Variants in FRAS1 observed in about 807,000 individuals in gnomAD.
FRAS1 encodes extracellular matrix organizing protein FRAS1.
FRAS1 carries 290 observed loss-of-function variants against 435.2 expected under a neutral mutation model. The observed-to-expected ratio is 0.67, with a 90% CI of 0.61 to 0.73. The LOEUF (loss-of-function observed/expected upper bound fraction) is 0.73. Among genes scored for constraint, FRAS1 ranks in the 30% least tolerant of loss-of-function variants. The pLI, the probability that FRAS1 is intolerant of heterozygous loss-of-function variation, is 0.00. For missense variants in FRAS1, 4,860 were observed against 5,001.5 expected (o/e 0.97, Z 0.85); for synonymous variants, 1,800 against 1,851.0 (o/e 0.97, Z 0.71).
At chr4:78,376,851 C>T (rs906058164) in intron 26 of FRAS1, among the ~76,000 whole-genome samples, 1 of 151,992 alleles carries the variant, frequency 6.6e-6, no homozygotes, top group Non-Finnish European at 1.5e-5. Context: ...ATTAGCCAGG[C>T]ACAGTAATGA....
At chr4:78,265,483 G>A (rs941460617) in intron 7 of FRAS1, among the ~76,000 whole-genome samples, 7 of 152,108 alleles carry the variant, frequency 4.6e-5, no homozygotes, top group South Asian at 2.1e-4. Context: ...TCTGGAGACC[G>A]TCCCCTCACA....
chr4:78,102,445 T>C (rs1254987407), intron 2 of FRAS1, among the ~76,000 whole-genome samples: 2 of 152,176 alleles, frequency 1.3e-5, no homozygotes, highest in African/African-American at 2.4e-5. Flanking sequence ...CATATGCTAA[T>C]TGGATTTATT....
intron 2 of FRAS1, among the ~76,000 whole-genome samples, chr4:78,082,362 A>G (rs149395128): frequency 1.9e-4 from 29 of 152,290 alleles, no homozygotes; most frequent in South Asian, 6.2e-4. Context: ...AAATACATAT[A>G]TAAATTTAAA....
At chr4:78,321,915 T>C (rs540802830) in intron 18 of FRAS1, among the ~76,000 whole-genome samples, 1 of 152,026 alleles carries the variant, frequency 6.6e-6, no homozygotes, top group South Asian at 2.1e-4. Context: ...AAGGACTGAA[T>C]TGACCTCTTG....
Position 78,479,441 on chromosome 4 carries a change from C to T in FRAS1, c.8166C>T (p.Leu2722=). 1 of 1,595,210 alleles carries T rather than the reference C, an allele frequency of 6.3e-7. No individual in the cohort carries two copies. Among genetic ancestry groups the T allele is most frequent in the African/African-American group, 1.3e-5 (1 of 74,862 alleles). Residue 2722 remains leucine (L), a synonymous_variant, in exon 56 of 74, where the codon CTC becomes CTT. Transcript: ENST00000512123. ...CTAAGTCAGCTATGGGAAGTAGCCT[C>T]TATGCTCTAGAATCAGGCTCTGATT... is the stretch of plus-strand genomic sequence containing the variant. ...TVPKSAMGSS[L]YALESGSDFK...
chr4:78,222,796 A>C (rs1724112045), intron 2 of FRAS1, among the ~76,000 whole-genome samples: 1 of 152,194 alleles, frequency 6.6e-6, no homozygotes, highest in South Asian at 2.1e-4. Flanking sequence ...AGGCCTTTCA[A>C]CTTCCGCTGC....
intron 23 of FRAS1, among the ~76,000 whole-genome samples, chr4:78,370,656 G>T (rs1731466587): frequency 6.6e-6 from 1 of 152,232 alleles, no homozygotes; most frequent in Non-Finnish European, 1.5e-5. Context: ...AAGGTCAGGA[G>T]TCGTGTCTGA....
rs145975528 is a variant in FRAS1 at position 78,319,480 on chromosome 4, A to G, written c.2137+494A>G. On this transcript the variant is annotated intron_variant, in intron 18 of 73. Transcript: ENST00000512123. ...ATTTGACTCAATAGCCAGGCCATCT[A>G]TGAGTGGTTGAGGAGATGAAAGGGA... The G allele has an allele frequency of 6.3e-3, 2,861 of 456,242 alleles. 107 individuals are homozygous for G. The highest frequency in any genetic ancestry group is 0.061 in the Admixed American group (2,586 of 42,544). 28.3% of individuals were successfully genotyped at this position (456,242 alleles called of 1,614,324 possible).
At chr4:78,511,012 C>T (rs554747416) in intron 63 of FRAS1, among the ~76,000 whole-genome samples, 2 of 152,200 alleles carry the variant, frequency 1.3e-5, no homozygotes, top group Non-Finnish European at 2.9e-5. Flanking sequence ...TAATGGAAAT[C>T]ATTCATCTAT....
intron 59 of FRAS1, among the ~76,000 whole-genome samples, 173 bp from the exon 60 acceptor site, chr4:78,496,632 C>T (rs7675266): frequency 0.31 from 46,511 of 152,032 alleles, 7,943 homozygotes; most frequent in Admixed American, 0.39. Flanking sequence ...TGGGTCCCAC[C>T]CAAGCATGAA....
At chr4:78,313,252 G>C (rs1262029117) in intron 15 of FRAS1, among the ~76,000 whole-genome samples, 1 of 152,142 alleles carries the variant, frequency 6.6e-6, no homozygotes, top group African/African-American at 2.4e-5. Flanking sequence ...GAGTTCAGGG[G>C]TGATTTTCTT....
intron 29 of FRAS1, among the ~76,000 whole-genome samples, chr4:78,397,758 G>T (rs1024886351): frequency 6.6e-6 from 1 of 152,148 alleles, no homozygotes; most frequent in Non-Finnish European, 1.5e-5. Flanking sequence ...CAGTGTTCTG[G>T]ATGGAGTGAG....
rs1248013289 is a variant in FRAS1 at position 78,521,616 on chromosome 4, A to G, written c.10634A>G (p.His3545Arg). 1 of 1,605,542 alleles carries G rather than the reference A, an allele frequency of 6.2e-7. No homozygotes were observed. Among genetic ancestry groups the G allele is most frequent in the African/African-American group, 1.4e-5 (1 of 73,936 alleles). The change falls in exon 68 of 74, where the codon CAT (histidine) becomes CGT (arginine). Residue 3545 changes from histidine (H) to arginine (R), a missense_variant. Transcript: ENST00000512123. ...CGTCTTGTCATTGAATTCAAGACCC[A>G]TGCCAAATTCAGAGGTAATATCAAT... ...DGRLVIEFKTHAKFRGQFVME... is the reference protein window; with the variant it reads ...DGRLVIEFKTRAKFRGQFVME...
chr4:78,458,700 A>T (rs1277388489), intron 47 of FRAS1, among the ~76,000 whole-genome samples: 1 of 152,096 alleles, frequency 6.6e-6, no homozygotes, highest in African/African-American at 2.4e-5. Flanking sequence ...ATCTAAAATA[A>T]TTTTTTTAAA....
At chr4:78,487,721 C>T (rs918109010) in intron 58 of FRAS1, among the ~76,000 whole-genome samples, 1 of 152,012 alleles carries the variant, frequency 6.6e-6, no homozygotes, top group Non-Finnish European at 1.5e-5. Flanking sequence ...CACTATAAAC[C>T]AGATACTACA....
In FRAS1 at chr4:78,369,931, A is replaced by G; in HGVS notation, c.2816A>G (p.Tyr939Cys). 1 of 1,613,860 alleles carries G rather than the reference A, an allele frequency of 6.2e-7. No homozygotes were observed. The highest frequency in any genetic ancestry group is 1.1e-5 in the South Asian group (1 of 91,052). Residue 939 changes from tyrosine (Y) to cysteine (C), a missense_variant, in exon 23 of 74, where the codon TAC (tyrosine) becomes TGC (cysteine). Tyr to Cys is a radical substitution (Grantham distance 194). Transcript: ENST00000512123. ...GTTCTGCTCTTTGGGGAATGTCAAT[A>G]CGAGAGCTGCGCCCCACAGTACTAT... ...NKVLLFGECQ[Y>C]ESCAPQYYLD...
intron 2 of FRAS1, among the ~76,000 whole-genome samples, chr4:78,134,796 A>C (rs1173694232): frequency 6.6e-6 from 1 of 152,184 alleles, no homozygotes; most frequent in Non-Finnish European, 1.5e-5. Flanking sequence ...AGCCTGATGC[A>C]GTAGGTGCTG....
intron 32 of FRAS1, among the ~76,000 whole-genome samples, chr4:78,418,413 G>T (rs1733634550): frequency 6.6e-6 from 1 of 152,130 alleles, no homozygotes; most frequent in South Asian, 2.1e-4. Context: ...ACTTCTTGGG[G>T]CGGAGACTTC....
In FRAS1 at chr4:78,508,767, G is replaced by A. The variant is rs1464507728; in HGVS notation, c.9541G>A (p.Val3181Ile). 2.5e-6 allele frequency: 4 copies of A among 1,613,666 alleles called. No individual in the cohort carries two copies. The highest frequency in any genetic ancestry group is 1.3e-5 in the African/African-American group (1 of 74,924). Residue 3181 changes from valine (V) to isoleucine (I), a missense_variant, in exon 63 of 74, where the codon GTT becomes ATT. Transcript: ENST00000512123. ...TLADYDHVEE[V>I]TKEGVKKSPS... The stretch of plus-strand genomic sequence containing the variant: ...TGCTGACTATGACCATGTGGAAGAA[G>A]TTACCAAGGAAGGAGTCAAGAAATC...
Sources: gnomAD v4.1 joint callset for allele counts (sites outside exome capture counted in the v4.1 genomes callset) on GRCh38, gnomAD v4.1.1 for gene constraint, MANE v1.5 for transcripts, NCBI Gene and HGNC (gene_info 2026-07-23, HGNC 2026-07-21) for gene names.